Variants in TMX2 observed in about 807,000 individuals in gnomAD.
The protein encoded by TMX2 is thioredoxin related transmembrane protein 2.
Under a neutral mutation model 33.4 loss-of-function variants are expected in TMX2, and 20 were observed. That is an observed-to-expected ratio of 0.60 (90% CI 0.42 to 0.87). The LOEUF (loss-of-function observed/expected upper bound fraction) is 0.87, where lower values mean the gene tolerates loss of function less well. Ranked by LOEUF, TMX2 falls within the 40% of genes least tolerant of loss-of-function variation. The pLI, the probability that TMX2 is intolerant of heterozygous loss-of-function variation, is 0.00. For synonymous variants in TMX2, 166 were observed against 140.7 expected (o/e 1.18, Z -1.27); for missense variants, 340 against 370.7 (o/e 0.92, Z 0.68).
chr11:57,716,333 C>T (rs1431218598), intron 1 of TMX2, among the ~76,000 whole-genome samples: 3 of 130,068 alleles, frequency 2.3e-5, no homozygotes, highest in African/African-American at 5.6e-5. Context: ...GGCGGCTGGC[C>T]GGGCGGGGGG....
intron 1 of TMX2, among the ~76,000 whole-genome samples, chr11:57,716,176 T>G (rs1018040709): frequency 1.3e-5 from 2 of 150,982 alleles, no homozygotes; most frequent in Non-Finnish European, 3.0e-5. Context: ...GAGGCGCCCC[T>G]CACCTCCCGG....
Position 57,739,193 on chromosome 11 carries a change from G to A in TMX2, c.677G>A (p.Gly226Asp). ...QLPTLILFQG[G>D]KEAMRRPQID... ...CCTACCCTGATCCTGTTCCAAGGTG[G>A]CAAGGAGGCAATGCGGCGGCCACAG... The change falls in exon 7 of 8, where the codon GGC becomes GAC. Residue 226 changes from glycine (G) to aspartate (D), a missense_variant. By Grantham distance (94) the Gly-to-Asp change is moderately conservative. This residue lies in a region of TMX2 where 209 missense variants were observed against 241.6 expected (regional missense o/e 0.87). Transcript: ENST00000278422. 1 of 1,614,024 alleles carries A rather than the reference G, an allele frequency of 6.2e-7. No homozygotes were observed.
rs184761315 is a variant in TMX2, at chr11:57,715,115, C to T, written c.189+2308C>T. Among the ~76,000 whole-genome samples the T allele has an allele frequency of 3.2e-4, 49 of 152,242 alleles. 1 individual carries two copies. Among genetic ancestry groups the T allele is most frequent in the African/African-American group, 1.1e-3 (47 of 41,542 alleles). ...CATGATCCTCCTTGAAAATAAGACA[C>T]TTGGCCAGGCATGGTGGCTCACATC... On this transcript the variant is annotated intron_variant, in intron 1 of 7. Coordinates refer to ENST00000278422, the MANE Select transcript of TMX2 (RefSeq NM_015959.4).
intron 1 of TMX2, among the ~76,000 whole-genome samples, chr11:57,721,351 T>G (rs1472466103): frequency 1.3e-5 from 2 of 149,024 alleles, no homozygotes; most frequent in African/African-American, 4.9e-5. Flanking sequence ...TAAAGTTTTT[T>G]TTTTTTTTTT....
At position 57,740,448 on chromosome 11, in the gene TMX2, C is replaced by G. The variant is rs1250335187; in HGVS notation, c.*203C>G. 8 of 553,138 alleles carry G rather than the reference C, an allele frequency of 1.4e-5. No individual in the cohort carries two copies. The highest frequency in any genetic ancestry group is 2.4e-5 in the Non-Finnish European group (8 of 328,952). 34.3% of individuals were successfully genotyped at this position (553,138 alleles called of 1,614,324 possible). On this transcript the variant is annotated 3_prime_UTR_variant, in exon 8 of 8. Coordinates refer to ENST00000278422, the MANE Select transcript of TMX2 (RefSeq NM_015959.4). Reference sequence around the variant, plus strand: ...CCTGCCATGCTGTGGCCAACTGTTTCACTGGAGCAAGAAAGAGATCTCATA... The same window carrying G: ...CCTGCCATGCTGTGGCCAACTGTTTGACTGGAGCAAGAAAGAGATCTCATA...
At chr11:57,715,671 G>T (rs1426427614) in intron 1 of TMX2, among the ~76,000 whole-genome samples, 1 of 150,878 alleles carries the variant, frequency 6.6e-6, no homozygotes, top group Non-Finnish European at 1.5e-5. Flanking sequence ...TGGAGGGAAG[G>T]TTGGCAGATA....
At chr11:57,726,053 G>C (rs767170212) in intron 1 of TMX2, among the ~76,000 whole-genome samples, 1 of 152,050 alleles carries the variant, frequency 6.6e-6, no homozygotes, top group Non-Finnish European at 1.5e-5. Context: ...CTTATGTTTT[G>C]TATAGCTAAT....
chr11:57,712,698 TTCTGTCGGCCCTGC>T lies in TMX2; in HGVS notation c.84_97del (p.Ser29CysfsTer24). ...CGATGGCTCGCCCAACCTTACTACC[TTCTGTCGGCCCTGC>T]TCTCTGCTGCCTTCCTACTCGTGAG... On this transcript the variant is annotated frameshift_variant, in exon 1 of 8. Transcript: ENST00000278422. LOFTEE classifies it high-confidence loss of function. 1 of 1,614,182 alleles carries T rather than the reference TTCTGTCGGCCCTGC, an allele frequency of 6.2e-7. No homozygotes were observed. The highest frequency in any genetic ancestry group is 8.5e-7 in the Non-Finnish European group (1 of 1,180,022).
intron 1 of TMX2, among the ~76,000 whole-genome samples, chr11:57,726,135 G>A (rs761504985): frequency 4.6e-5 from 7 of 151,992 alleles, no homozygotes; most frequent in Non-Finnish European, 8.8e-5. Flanking sequence ...TCAGTCTGCC[G>A]GGCGTGGTGG....
chr11:57,715,768 G>T (rs1182741151), intron 1 of TMX2, among the ~76,000 whole-genome samples: 1 of 151,214 alleles, frequency 6.6e-6, no homozygotes, highest in Non-Finnish European at 1.5e-5. Flanking sequence ...CTTGAGATTA[G>T]GGAGTGGTGA....
chr11:57,737,370 A>G (rs1948814874), intron 1 of TMX2, among the ~76,000 whole-genome samples: 1 of 152,208 alleles, frequency 6.6e-6, no homozygotes, highest in African/African-American at 2.4e-5. Flanking sequence ...CCTGGGCAAC[A>G]AGAGTGAAAC....
intron 1 of TMX2, among the ~76,000 whole-genome samples, chr11:57,719,711 T>A (rs1947456327): frequency 6.6e-6 from 1 of 151,582 alleles, no homozygotes. Context: ...GAGATGGGGT[T>A]TCGCCATGTT....
At chr11:57,734,897 AG>A (rs1359637590) in intron 1 of TMX2, among the ~76,000 whole-genome samples, 26 of 151,946 alleles carry the variant, frequency 1.7e-4, no homozygotes, top group Admixed American at 3.3e-4. Flanking sequence ...GCACTTTGGG[AG>A]GCCGAGGCGG....
Position 57,740,471 on chromosome 11 carries a change from A to C in TMX2, c.*226A>C. ...TTCACTGGAGCAAGAAAGAGATCTC[A>C]TAGGACGGAGGGGGAAATGGTTTCC... On this transcript the variant is annotated 3_prime_UTR_variant, in exon 8 of 8. Transcript: ENST00000278422. 3 of 489,764 alleles carry C rather than the reference A, an allele frequency of 6.1e-6. No homozygotes were observed. Among genetic ancestry groups the C allele is most frequent in the East Asian group, 7.6e-5 (2 of 26,284 alleles). 30.3% of individuals were successfully genotyped at this position (489,764 alleles called of 1,614,324 possible).
chr11:57,712,648 C>T lies in TMX2; in HGVS notation c.30C>T (p.Leu10=), dbSNP rs761634819. The T allele has an allele frequency of 5.6e-6, 9 of 1,613,974 alleles. No homozygotes were observed. The African/African-American group carries it at 6.7e-5, about 12-fold the overall frequency. The change falls in exon 1 of 8, where the codon CTC becomes CTT. Residue 10 remains leucine, a synonymous_variant. Transcript: ENST00000278422. ...CGGTCTTGGCACCTCTAATTGCTCT[C>T]GTGTATTCGGTGCCGCGACTTTCAC... MAVLAPLIA[L]VYSVPRLSRW... is the part of the protein sequence containing the mutation.
chr11:57,725,668 T>C (rs1205693894), intron 1 of TMX2, among the ~76,000 whole-genome samples: 2 of 151,028 alleles, frequency 1.3e-5, no homozygotes, highest in Admixed American at 1.3e-4. Flanking sequence ...ACCCAGGAGG[T>C]GGAGGTTGCA....
intron 1 of TMX2, among the ~76,000 whole-genome samples, chr11:57,730,825 G>A (rs1271789777): frequency 6.6e-6 from 1 of 151,994 alleles, no homozygotes; most frequent in Non-Finnish European, 1.5e-5. Context: ...GAGACATTTA[G>A]GGTAAAACAG....
chr11:57,724,900 C>T (rs774438805), intron 1 of TMX2, among the ~76,000 whole-genome samples: 18 of 151,308 alleles, frequency 1.2e-4, no homozygotes, highest in Non-Finnish European at 2.2e-4. Flanking sequence ...TAGCTGGGTG[C>T]GGTGGCAGGC....
At chr11:57,737,571 A>G in intron 1 of TMX2, 37 bp from the exon 2 acceptor site, 5 of 1,576,754 alleles carry the variant, frequency 3.2e-6, no homozygotes, top group Non-Finnish European at 4.4e-6. Flanking sequence ...AGCTCTAGTC[A>G]CTGCATTCCT....
Sources: allele counts gnomAD v4.1 joint callset (sites outside exome capture counted in the v4.1 genomes callset), GRCh38; gene constraint gnomAD v4.1.1; regional missense constraint gnomAD v4.1.1; transcripts MANE v1.5; gene names NCBI Gene and HGNC (gene_info 2026-07-23, HGNC 2026-07-21).